The following RIMBP2 variants were observed in gnomAD, a reference collection of about 807,000 sequenced individuals.
RIMBP2 encodes the protein RIMS-binding protein 2.
In RIMBP2, 48 loss-of-function variants were observed where a neutral mutation model predicts 118.6. That is an observed-to-expected ratio of 0.40 (90% CI 0.32 to 0.51). The LOEUF (loss-of-function observed/expected upper bound fraction) is 0.51. Ranked by LOEUF, RIMBP2 falls within the 20% of genes least tolerant of loss-of-function variation. The pLI is 0.41. For missense variants in RIMBP2, 1,551 were observed against 1,768.3 expected (o/e 0.88, Z 2.20); for synonymous variants, 762 against 742.9 (o/e 1.03, Z -0.42).
intron 2 of RIMBP2, among the ~76,000 whole-genome samples, chr12:130,565,661 C>G (rs2057163036): frequency 6.6e-6 from 1 of 152,242 alleles, no homozygotes; most frequent in Non-Finnish European, 1.5e-5. Flanking sequence ...ACAAAGCCCA[C>G]TCCTTGTCCC....
intron 6 of RIMBP2, among the ~76,000 whole-genome samples, chr12:130,457,070 C>T (rs1013602767): frequency 2.6e-5 from 4 of 152,162 alleles, no homozygotes; most frequent in Admixed American, 6.5e-5. Flanking sequence ...GCGTGCAGCC[C>T]GGGCACTTTG....
intron 1 of RIMBP2, among the ~76,000 whole-genome samples, chr12:130,692,873 G>A (rs2065383497): frequency 6.7e-6 from 1 of 150,204 alleles, no homozygotes; most frequent in African/African-American, 2.5e-5. Flanking sequence ...GGGTAGGGTA[G>A]GGTAGGGTAG....
chr12:130,480,403 A>ACGGGCCTGCCCCC (rs1438337234), intron 4 of RIMBP2, among the ~76,000 whole-genome samples: 1 of 152,078 alleles, frequency 6.6e-6, no homozygotes, highest in Non-Finnish European at 1.5e-5. Flanking sequence ...CTGCGGCCCC[A>ACGGGCCTGCCCCC]CGGGCCTGCC....
intron 2 of RIMBP2, among the ~76,000 whole-genome samples, chr12:130,626,696 C>G (rs755921548): frequency 9.3e-5 from 14 of 151,054 alleles, no homozygotes; most frequent in Non-Finnish European, 1.5e-4. Context: ...ATCACAACTA[C>G]TGCTTCATCA....
chr12:130,487,423 GCTCCTCCTCCCTGT>G (rs1162495230), intron 4 of RIMBP2, among the ~76,000 whole-genome samples: 1 of 152,110 alleles, frequency 6.6e-6, no homozygotes, highest in African/African-American at 2.4e-5. Context: ...AGGGAGCCTG[GCTCCTCCTCCCTGT>G]CTCTTGCTAC....
chr12:130,595,541 C>T (rs1284736996), intron 2 of RIMBP2, among the ~76,000 whole-genome samples: 3 of 152,004 alleles, frequency 2.0e-5, no homozygotes, highest in Non-Finnish European at 4.4e-5. Flanking sequence ...CAGCGCAAGA[C>T]TCCGTCTCAA....
At chr12:130,439,351 G>A (rs1816916356) in intron 11 of RIMBP2, among the ~76,000 whole-genome samples, 1 of 150,324 alleles carries the variant, frequency 6.7e-6, no homozygotes, top group Non-Finnish European at 1.5e-5. Flanking sequence ...GTGTAGATGT[G>A]TGGGCATGCG....
At chr12:130,656,315 C>T (rs996653562) in intron 1 of RIMBP2, among the ~76,000 whole-genome samples, 1 of 152,132 alleles carries the variant, frequency 6.6e-6, no homozygotes, top group Admixed American at 6.5e-5. Context: ...CTCCAGGGAC[C>T]CCTGGCAGGC....
rs746701936 is a variant in RIMBP2 at position 130,451,474 on chromosome 12, G to A, written c.359-134C>T. Reference sequence around the variant, plus strand: ...CTGATTTTCATTTTGGGGTCCACCCGTCTCCTGCTCGCCATCTATGTAGGC... The same window carrying A: ...CTGATTTTCATTTTGGGGTCCACCCATCTCCTGCTCGCCATCTATGTAGGC... On this transcript the variant is annotated intron_variant, in intron 7 of 22. Coordinates refer to ENST00000690449, the MANE Select transcript of RIMBP2 (RefSeq NM_001393629.1). The A allele has an allele frequency of 1.5e-5, 15 of 974,342 alleles. 1 individual carries two copies. Among genetic ancestry groups the A allele is most frequent in the African/African-American group, 6.6e-5 (4 of 60,840 alleles). 60.4% of individuals were successfully genotyped at this position (974,342 alleles called of 1,614,324 possible). A position where few individuals can be genotyped will look rare whatever the true frequency, so the allele number is the denominator to read the frequency against.
At chr12:130,451,122 C>T in intron 8 of RIMBP2, 73 bp downstream of exon 8, 4 of 1,524,390 alleles carry the variant, frequency 2.6e-6, no homozygotes, top group Non-Finnish European at 3.6e-6. Context: ...AAAAACAGGA[C>T]AAACTGGCCA....
chr12:130,538,719 G>T (rs2054292326), intron 2 of RIMBP2, among the ~76,000 whole-genome samples: 1 of 152,164 alleles, frequency 6.6e-6, no homozygotes, highest in South Asian at 2.1e-4. Context: ...CAGAGCTGCT[G>T]CCAGGCCTGG....
At chr12:130,606,975 G>A (rs551009811) in intron 2 of RIMBP2, among the ~76,000 whole-genome samples, 71 of 152,186 alleles carry the variant, frequency 4.7e-4, no homozygotes, top group African/African-American at 1.6e-3. Flanking sequence ...GGGATTATAG[G>A]CGCTTGCCAC....
chr12:130,399,940 GAC>G lies in RIMBP2; in HGVS notation c.3766-129_3766-128del. The stretch of plus-strand genomic sequence containing the variant: ...GTTTATTCTGGTTCAAAAGTGGCAG[GAC>G]TTGAAAGGACTCTAAATCAGGGTTT... On this transcript the variant is annotated intron_variant, in intron 21 of 22. Coordinates refer to ENST00000690449, the MANE Select transcript of RIMBP2 (RefSeq NM_001393629.1). 4 of 1,014,364 alleles carry G rather than the reference GAC, an allele frequency of 3.9e-6. No homozygotes were observed. The South Asian group carries it at 6.6e-5, about 17-fold the overall frequency. The allele number at this position is 1,014,364 out of a possible 1,614,324, so 62.8% of individuals were successfully genotyped here. A position where few individuals can be genotyped will look rare whatever the true frequency, so the allele number is the denominator to read the frequency against.
rs549383997 is a variant in RIMBP2, at chr12:130,538,854, TGGGGATCG to T, written c.-216-20945_-216-20938del. 3.7e-3 allele frequency among the ~76,000 whole-genome samples: 570 copies of T among 152,238 alleles called. 2 individuals are homozygous for T. Among genetic ancestry groups the T allele is most frequent in the African/African-American group, 0.013 (540 of 41,544 alleles). ...CCCACTCTTCCCTCCCCGTATTGCC[TGGGGATCG>T]GGTGGTGGCCCATCTCCATGCATTT... On this transcript the variant is annotated intron_variant, in intron 2 of 22. Coordinates refer to ENST00000690449, the MANE Select transcript of RIMBP2 (RefSeq NM_001393629.1).
At chr12:130,587,231 G>A (rs1358879462) in intron 2 of RIMBP2, among the ~76,000 whole-genome samples, 397 of 130,394 alleles carry the variant, frequency 3.0e-3, no homozygotes, top group African/African-American at 5.4e-3. Context: ...ACTGTTGGTG[G>A]GACTGTAAAC....
intron 1 of RIMBP2, among the ~76,000 whole-genome samples, chr12:130,709,616 C>T (rs1010806867): frequency 3.9e-5 from 6 of 152,174 alleles, no homozygotes; most frequent in African/African-American, 1.4e-4. Flanking sequence ...CTGCCTGTTG[C>T]CCCCGTCCCA....
chr12:130,484,876 C>G (rs2082349011), intron 4 of RIMBP2, among the ~76,000 whole-genome samples: 1 of 152,280 alleles, frequency 6.6e-6, no homozygotes. Context: ...CTTAACCTCT[C>G]TGTTCTCCAT....
chr12:130,685,963 G>T (rs368107401), intron 1 of RIMBP2, among the ~76,000 whole-genome samples: 146 of 152,224 alleles, frequency 9.6e-4, no homozygotes, highest in African/African-American at 3.2e-3. Context: ...GCCCCAGAAG[G>T]CCCCCAGCAT....
chr12:130,459,576 G>T (rs1049681759), intron 6 of RIMBP2, among the ~76,000 whole-genome samples: 2 of 152,082 alleles, frequency 1.3e-5, no homozygotes, highest in Non-Finnish European at 2.9e-5. Context: ...ATAATGAAAG[G>T]TACCACCCCA....
Sources: allele counts gnomAD v4.1 joint callset (sites outside exome capture counted in the v4.1 genomes callset), GRCh38; gene constraint gnomAD v4.1.1; transcripts MANE v1.5; gene names NCBI Gene and HGNC (gene_info 2026-07-23, HGNC 2026-07-21).